Variants in SGPL1 observed in about 807,000 individuals in gnomAD.
SGPL1 encodes the protein SP-lyase 1.
SGPL1 carries 37 observed loss-of-function variants against 68.9 expected under a neutral mutation model. That is an observed-to-expected ratio of 0.54 (90% CI 0.41 to 0.71). The LOEUF is 0.71. Ranked by LOEUF, SGPL1 falls within the 30% of genes least tolerant of loss-of-function variation. The probability of loss-of-function intolerance (pLI) is 0.00; values close to 1 mark genes in which losing one functional copy is unlikely to be tolerated. For missense variants in SGPL1, 551 were observed against 704.6 expected (o/e 0.78, Z 2.47); for synonymous variants, 236 against 248.5 (o/e 0.95, Z 0.47).
intron 11 of SGPL1, among the ~76,000 whole-genome samples, chr10:70,872,935 CA>C (rs1404554118): frequency 6.6e-6 from 1 of 151,900 alleles, no homozygotes; most frequent in Non-Finnish European, 1.5e-5. Context: ...TAATACTAAG[CA>C]AAAAAAGATG....
intron 2 of SGPL1, among the ~76,000 whole-genome samples, chr10:70,826,105 A>T (rs1845430449): frequency 6.6e-6 from 1 of 152,200 alleles, no homozygotes; most frequent in Non-Finnish European, 1.5e-5. Context: ...GAATCGCTTG[A>T]ACGCGGGAGG....
chr10:70,855,660 T>C (rs1845952255), intron 5 of SGPL1, among the ~76,000 whole-genome samples: 2 of 152,266 alleles, frequency 1.3e-5, no homozygotes, highest in African/African-American at 2.4e-5. Flanking sequence ...ATTGCTATTA[T>C]TAACTCAAAC....
At chr10:70,861,406 G>C (rs1469567472) in intron 7 of SGPL1, among the ~76,000 whole-genome samples, 1 of 152,188 alleles carries the variant, frequency 6.6e-6, no homozygotes, top group East Asian at 1.9e-4. Flanking sequence ...GGCAGTTGGG[G>C]GTAGATGAAA....
chr10:70,818,651 TC>T (rs1360728358), intron 2 of SGPL1, among the ~76,000 whole-genome samples: 1 of 152,178 alleles, frequency 6.6e-6, no homozygotes, highest in Admixed American at 6.5e-5. Flanking sequence ...TAAGTTTTGA[TC>T]CATTGTGATT....
At chr10:70,875,889 C>A (rs1047643453) in intron 13 of SGPL1, among the ~76,000 whole-genome samples, 3 of 152,282 alleles carry the variant, frequency 2.0e-5, no homozygotes, top group South Asian at 2.1e-4. Context: ...ATATTTAGTT[C>A]AAGATCTTCC....
chr10:70,827,244 C>T (rs536663940), intron 2 of SGPL1, among the ~76,000 whole-genome samples: 179 of 152,222 alleles, frequency 1.2e-3, no homozygotes, highest in Non-Finnish European at 1.0e-3. Context: ...TTGTAATTTC[C>T]GTATGCATTT....
chr10:70,825,932 A>G (rs1845427071), intron 2 of SGPL1, among the ~76,000 whole-genome samples: 1 of 152,228 alleles, frequency 6.6e-6, no homozygotes, highest in Non-Finnish European at 1.5e-5. Context: ...CTGTAATCCC[A>G]ACACTTTGGG....
In SGPL1 at chr10:70,870,305, C is replaced by T. The variant is rs190821136; in HGVS notation, c.810+408C>T. Among the ~76,000 whole-genome samples, 584 of 152,074 alleles carry T rather than the reference C, an allele frequency of 3.8e-3. 2 individuals carry two copies. The highest frequency in any genetic ancestry group is 0.012 in the African/African-American group (516 of 41,472). The stretch of plus-strand genomic sequence containing the variant: ...TTGAACCCTTGAGCCCAGGAGTTTG[C>T]GACCAGTCTGAGCAACATAGTGAGA... On this transcript the variant is annotated intron_variant, in intron 9 of 14. Coordinates refer to ENST00000373202, the MANE Select transcript of SGPL1 (RefSeq NM_003901.4).
intron 2 of SGPL1, among the ~76,000 whole-genome samples, chr10:70,819,636 T>TC (rs1845302118): frequency 1.3e-5 from 2 of 150,184 alleles, no homozygotes; most frequent in African/African-American, 4.9e-5. Context: ...GCTTTTTTTT[T>TC]TTTTTTTTTT....
intron 6 of SGPL1, 78 bp from the exon 7 acceptor site, chr10:70,859,293 A>T: frequency 9.1e-7 from 1 of 1,102,428 alleles, no homozygotes; most frequent in East Asian, 3.4e-5. Flanking sequence ...ATACTTAGAA[A>T]CTGTTGTTTA....
At chr10:70,864,252 T>C (rs1013062071) in intron 7 of SGPL1, among the ~76,000 whole-genome samples, 2 of 152,212 alleles carry the variant, frequency 1.3e-5, no homozygotes, top group African/African-American at 4.8e-5. Flanking sequence ...TCTGGGTTAC[T>C]CCGCTTTTCA....
chr10:70,849,394 A>AT (rs1845841861), intron 3 of SGPL1, among the ~76,000 whole-genome samples: 1 of 152,242 alleles, frequency 6.6e-6, no homozygotes, highest in South Asian at 2.1e-4. Context: ...GGATACAGTT[A>AT]TTTTACATTA....
intron 14 of SGPL1, among the ~76,000 whole-genome samples, 182 bp downstream of exon 14, chr10:70,876,843 A>G (rs1846398676): frequency 6.6e-6 from 1 of 152,230 alleles, no homozygotes; most frequent in Non-Finnish European, 1.5e-5. Context: ...TGAAGTCTCA[A>G]ATGAGATACA....
At position 70,816,974 on chromosome 10, in the gene SGPL1, C is replaced by T. The variant is rs1471588793; in HGVS notation, c.27+94C>T. 3 of 1,213,944 alleles carry T rather than the reference C, an allele frequency of 2.5e-6. No homozygotes were observed. The Admixed American group carries it at 5.1e-5, about 21-fold the overall frequency. The allele number at this position is 1,213,944 out of a possible 1,614,324, so 75.2% of individuals were successfully genotyped here. A position where few individuals can be genotyped will look rare whatever the true frequency, so the allele number is the denominator to read the frequency against. On this transcript the variant is annotated intron_variant, in intron 2 of 14. Transcript: ENST00000373202. Reference sequence around the variant, plus strand: ...CAGTGTGTAGATTTCACCTCTGATGCTTGCTTTTGGTAGCTGAGCGTTTTG... The same window carrying T: ...CAGTGTGTAGATTTCACCTCTGATGTTTGCTTTTGGTAGCTGAGCGTTTTG...
rs1458087695 is a variant in SGPL1 at position 70,878,383 on chromosome 10, TACCATGG to T, written c.*1051_*1057del. On this transcript the variant is annotated 3_prime_UTR_variant, in exon 15 of 15. Transcript: ENST00000373202. Reference sequence around the variant, plus strand: ...GATGCTTCCATTGGCTTTTTCTTGTTACCATGGACTAGGAAGAAAACATGGTTTCCAA... The same window carrying T: ...GATGCTTCCATTGGCTTTTTCTTGTTACTAGGAAGAAAACATGGTTTCCAA... 3 of 152,262 alleles carry T rather than the reference TACCATGG, an allele frequency of 2.0e-5. No individual in the cohort carries two copies. The highest frequency in any genetic ancestry group is 4.4e-5 in the Non-Finnish European group (3 of 68,060). 9.4% of individuals were successfully genotyped at this position (152,262 alleles called of 1,614,324 possible). A position where few individuals can be genotyped will look rare whatever the true frequency, so the allele number is the denominator to read the frequency against.
At chr10:70,853,363 C>T (rs1683852) in intron 4 of SGPL1, among the ~76,000 whole-genome samples, 6,877 of 152,170 alleles carry the variant, frequency 0.045, 188 homozygotes, top group East Asian at 0.13. Context: ...TGAGTTCTGG[C>T]GTTCTTTAAC....
At chr10:70,859,336 G>C in intron 6 of SGPL1, 35 bp from the exon 7 acceptor site, 1 of 1,371,042 alleles carries the variant, frequency 7.3e-7, no homozygotes, top group Non-Finnish European at 9.5e-7. Flanking sequence ...TAGTGTAATA[G>C]TTTTGATTTC....
At chr10:70,867,938 T>C (rs910377918) in intron 7 of SGPL1, among the ~76,000 whole-genome samples, 4 of 152,254 alleles carry the variant, frequency 2.6e-5, no homozygotes, top group African/African-American at 9.6e-5. Context: ...TTGCACAGTT[T>C]ACTAGAATTG....
chr10:70,854,426 C>T (rs758752835), intron 4 of SGPL1, among the ~76,000 whole-genome samples: 3 of 152,102 alleles, frequency 2.0e-5, no homozygotes, highest in Non-Finnish European at 2.9e-5. Context: ...CTGCCCACCT[C>T]GGCTTCCTGA....
Sources: allele counts gnomAD v4.1 joint callset (sites outside exome capture counted in the v4.1 genomes callset), GRCh38; gene constraint gnomAD v4.1.1; transcripts MANE v1.5; gene names NCBI Gene and HGNC (gene_info 2026-07-23, HGNC 2026-07-21).